The following SLC5A6 variants were observed in gnomAD, a reference collection of about 807,000 sequenced individuals.
SLC5A6 encodes the protein solute carrier family 5 member 6.
In SLC5A6, 31 loss-of-function variants were observed where a neutral mutation model predicts 67.9. The ratio of observed to expected loss-of-function variants is 0.46; its 90% CI spans 0.34 to 0.62. The LOEUF is 0.62. Among genes scored for constraint, SLC5A6 ranks in the 20% least tolerant of loss-of-function variants. SLC5A6 has a pLI of 0.01. For missense variants in SLC5A6, 673 were observed against 812.8 expected (o/e 0.83, Z 2.09); for synonymous variants, 343 against 331.0 (o/e 1.04, Z -0.39).
chr2:27,202,894 A>AGTTAACACAAG lies in SLC5A6; in HGVS notation c.1208-15_1208-14insCTTGTGTTAAC. On this transcript the variant is annotated splice_polypyrimidine_tract_variant and intron_variant, in intron 11 of 16. Coordinates refer to ENST00000310574, the MANE Select transcript of SLC5A6 (RefSeq NM_021095.4). ...CATAGCCAAAGGCTGGGGGAAAAGG[A>AGTTAACACAAG]CAGGAGAGGAAACAAGAAGGTGTGA... 6.2e-7 allele frequency: 1 copy of AGTTAACACAAG among 1,612,656 alleles called. No individual in the cohort carries two copies.
chr2:27,207,017 C>G lies in SLC5A6; in HGVS notation c.394-75G>C. 1.5e-6 allele frequency: 2 copies of G among 1,322,616 alleles called. No homozygotes were observed. Among genetic ancestry groups the G allele is most frequent in the Non-Finnish European group, 2.2e-6 (2 of 914,716 alleles). The allele number at this position is 1,322,616 out of a possible 1,614,324, so 81.9% of individuals were successfully genotyped here. On this transcript the variant is annotated intron_variant, in intron 3 of 16. Transcript: ENST00000310574. This position sits in a 1 kb window ranked among gnomAD's most constrained non-coding sequence, Gnocchi z 5.5. Reference sequence around the variant, plus strand: ...CACAGACAAATTCCCTCAAGATGCTCAGGAACATGAGGGAATATCCAACCC... The same window carrying G: ...CACAGACAAATTCCCTCAAGATGCTGAGGAACATGAGGGAATATCCAACCC...
At chr2:27,212,704 A>C, upstream of SLC5A6, 7 of 1,293,406 alleles carry the variant, frequency 5.4e-6, no homozygotes, top group East Asian at 2.9e-5. Context: ...CCTTAATTTT[A>C]GAATAACTTT....
intron 4 of SLC5A6, 104 bp downstream of exon 4, chr2:27,206,773 A>T (rs974681803): frequency 3.0e-5 from 30 of 1,011,228 alleles, no homozygotes; most frequent in Non-Finnish European, 4.6e-5. Context: ...AGGAATTTCA[A>T]TCCTGCCAAT....
Position 27,212,176 on chromosome 2 carries a change from C to T in SLC5A6, c.-364G>A, listed in dbSNP as rs1344358393. 2.6e-6 allele frequency: 4 copies of T among 1,537,938 alleles called. No individual in the cohort carries two copies. Among genetic ancestry groups the T allele is most frequent in the South Asian group, 2.4e-5 (2 of 82,400 alleles). The stretch of plus-strand genomic sequence containing the variant: ...AGGGGAAAAGGAAGAGGGGGTCGGC[C>T]AGTATCCCCGAAAGAGGGCTAGGGC... On this transcript the variant is annotated 5_prime_UTR_variant, in exon 1 of 17. Coordinates refer to ENST00000310574, the MANE Select transcript of SLC5A6 (RefSeq NM_021095.4).
upstream of SLC5A6, chr2:27,212,711 C>G (rs928548142): frequency 4.0e-6 from 5 of 1,240,390 alleles, no homozygotes; most frequent in African/African-American, 7.9e-5. Flanking sequence ...TTTAGAATAA[C>G]TTTAAGTTCT....
intron 2 of SLC5A6, among the ~76,000 whole-genome samples, chr2:27,210,595 T>TAA (rs1674406139): frequency 6.6e-6 from 1 of 150,488 alleles, no homozygotes; most frequent in Admixed American, 6.6e-5. Context: ...CGCGCCCAGC[T>TAA]AATTTTTTTT....
chr2:27,201,513 C>A, intron 14 of SLC5A6, 60 bp from the exon 15 acceptor site: 1 of 1,382,016 alleles, frequency 7.2e-7, no homozygotes, highest in Non-Finnish European at 1.0e-6. Flanking sequence ...CCTTGGGCAC[C>A]AATCTCTACT....
chr2:27,206,030 G>A lies in SLC5A6; in HGVS notation c.575C>T (p.Ala192Val), dbSNP rs1305592364. The A allele has an allele frequency of 6.8e-6, 11 of 1,612,778 alleles. No individual in the cohort carries two copies. The highest frequency in any genetic ancestry group is 7.6e-6 in the Non-Finnish European group (9 of 1,178,948). ...ALGIVCTVYT[A>V]LGGLKAVIWT... ...ACCACGGCTTACTGCACTTACCAGA[G>A]CTGTATAGACGGTACAGACAATGCC... The change falls in exon 6 of 17, where the codon GCT becomes GTT. Residue 192 changes from alanine to valine, a missense_variant. Coordinates refer to ENST00000310574, the MANE Select transcript of SLC5A6 (RefSeq NM_021095.4).
At chr2:27,212,395 T>TA, upstream of SLC5A6, 3 of 1,551,192 alleles carry the variant, frequency 1.9e-6, no homozygotes, top group Non-Finnish European at 2.6e-6. Flanking sequence ...CGGGTAGTCT[T>TA]ACGACCCTGG....
chr2:27,203,372 T>A (rs376029205), intron 10 of SLC5A6, 27 bp from the exon 11 acceptor site: 4 of 1,608,016 alleles, frequency 2.5e-6, no homozygotes, highest in Non-Finnish European at 3.4e-6. Flanking sequence ...GGATGAGGAG[T>A]TGAGCGAGGC....
intron 2 of SLC5A6, among the ~76,000 whole-genome samples, chr2:27,208,213 AGGG>A (rs1674217521): frequency 6.6e-6 from 1 of 152,208 alleles, no homozygotes; most frequent in Admixed American, 6.5e-5. Context: ...TAATGGCAGC[AGGG>A]CTTCCCCTAC....
At chr2:27,204,378 T>C in intron 9 of SLC5A6, 83 bp downstream of exon 9, 1 of 1,473,480 alleles carries the variant, frequency 6.8e-7, no homozygotes, top group Non-Finnish European at 9.1e-7. Context: ...GGGAGTCCTT[T>C]CTGCAGTCAG....
Position 27,207,004 on chromosome 2 carries a change from C to A in SLC5A6, c.394-62G>T. ...CACCCCGACAACTCACAGACAAATT[C>A]CCTCAAGATGCTCAGGAACATGAGG... On this transcript the variant is annotated intron_variant, in intron 3 of 16. Coordinates refer to ENST00000310574, the MANE Select transcript of SLC5A6 (RefSeq NM_021095.4). This position sits in a 1 kb window ranked among gnomAD's most constrained non-coding sequence, Gnocchi z 5.5. 1 of 1,386,644 alleles carries A rather than the reference C, an allele frequency of 7.2e-7. No individual in the cohort carries two copies. Among genetic ancestry groups the A allele is most frequent in the South Asian group, 1.2e-5 (1 of 86,334 alleles). The allele number at this position is 1,386,644 out of a possible 1,614,324, so 85.9% of individuals were successfully genotyped here. A position where few individuals can be genotyped will look rare whatever the true frequency, so the allele number is the denominator to read the frequency against.
rs1476931327 is a variant in SLC5A6 at position 27,205,510 on chromosome 2, A to G, written c.580-6T>C. On this transcript the variant is annotated splice_region_variant and splice_polypyrimidine_tract_variant and intron_variant, in intron 6 of 16. Coordinates refer to ENST00000310574, the MANE Select transcript of SLC5A6 (RefSeq NM_021095.4). ...ATGACGGCCTTCAGCCCACCCTGCA[A>G]GGAAAGCACAGCAAACCTGCCACAG... 1 of 1,614,154 alleles carries G rather than the reference A, an allele frequency of 6.2e-7. No homozygotes were observed. Among genetic ancestry groups the G allele is most frequent in the South Asian group, 1.1e-5 (1 of 91,076 alleles).
chr2:27,207,658 CTG>C lies in SLC5A6; in HGVS notation c.-10_-9del, dbSNP rs1674175814. Reference sequence around the variant, plus strand: ...GCTCACCCCTACACTCATATCCTCACTGTGTCTGTGATCTGCAGCCAGTTGCT... The same window carrying C: ...GCTCACCCCTACACTCATATCCTCACTGTCTGTGATCTGCAGCCAGTTGCT... On this transcript the variant is annotated 5_prime_UTR_variant, in exon 3 of 17. Transcript: ENST00000310574. The surrounding 1 kb of genome is among the most constrained non-coding windows in gnomAD (Gnocchi z 5.5). 1.9e-6 allele frequency: 3 copies of C among 1,603,214 alleles called. No individual in the cohort carries two copies. Among genetic ancestry groups the C allele is most frequent in the Non-Finnish European group, 2.6e-6 (3 of 1,172,438 alleles).
In SLC5A6 at chr2:27,212,172, C is replaced by T. The variant is rs200494777; in HGVS notation, c.-360G>A. 2.8e-5 allele frequency: 43 copies of T among 1,536,466 alleles called. No individual in the cohort carries two copies. The Admixed American group carries it at 5.3e-4, about 19-fold the overall frequency. On this transcript the variant is annotated 5_prime_UTR_variant, in exon 1 of 17. Transcript: ENST00000310574. ...CTAAAGGGGAAAAGGAAGAGGGGGT[C>T]GGCCAGTATCCCCGAAAGAGGGCTA...
intron 16 of SLC5A6, 50 bp downstream of exon 16, chr2:27,200,948 G>T: frequency 1.7e-6 from 2 of 1,194,106 alleles, no homozygotes; most frequent in Non-Finnish European, 2.5e-6. Context: ...AAGAGTCAGT[G>T]GCATCTGTGG....
chr2:27,212,783 G>T, upstream of SLC5A6: 1 of 694,340 alleles, frequency 1.4e-6, no homozygotes. Flanking sequence ...CATATATCGT[G>T]CGGTGGTAGG....
At chr2:27,210,023 AAAG>A (rs1292372060) in intron 2 of SLC5A6, among the ~76,000 whole-genome samples, 1 of 152,186 alleles carries the variant, frequency 6.6e-6, no homozygotes, top group African/African-American at 2.4e-5. Flanking sequence ...GAGTAAGAGG[AAAG>A]AAGAGGTCTC....
Sources: gnomAD v4.1 joint callset for allele counts (sites outside exome capture counted in the v4.1 genomes callset) on GRCh38, gnomAD v4.1.1 for gene constraint, Gnocchi (gnomAD v3.1) non-coding constraint, MANE v1.5 for transcripts, NCBI Gene and HGNC (gene_info 2026-07-23, HGNC 2026-07-21) for gene names.